Variants in HECW1 observed in about 807,000 individuals in gnomAD.
HECW1 encodes HECT, C2 and WW domain containing E3 ubiquitin protein ligase 1.
HECW1 carries 61 observed loss-of-function variants against 182.3 expected under a neutral mutation model. That is an observed-to-expected ratio of 0.33 (90% CI 0.27 to 0.41). HECW1 has a LOEUF of 0.41. Ranked by LOEUF, HECW1 falls within the 10% of genes least tolerant of loss-of-function variation. The probability of loss-of-function intolerance (pLI) is 1.00; values close to 1 mark genes in which losing one functional copy is unlikely to be tolerated. For synonymous variants in HECW1, 859 were observed against 832.6 expected (o/e 1.03, Z -0.55); for missense variants, 1,739 against 2,108.9 (o/e 0.82, Z 3.44).
intron 8 of HECW1, among the ~76,000 whole-genome samples, chr7:43,434,565 G>T (rs1021714885): frequency 6.6e-6 from 1 of 152,180 alleles, no homozygotes. Flanking sequence ...GAGGCTCATG[G>T]GTGCAAGTAG....
intron 5 of HECW1, among the ~76,000 whole-genome samples, chr7:43,332,707 C>T (rs575678556): frequency 6.6e-6 from 1 of 152,246 alleles, no homozygotes; most frequent in South Asian, 2.1e-4. Flanking sequence ...GCTGCAAGGT[C>T]CGACCCCTGG....
chr7:43,300,249 C>T (rs1806567413), intron 3 of HECW1, among the ~76,000 whole-genome samples: 1 of 152,156 alleles, frequency 6.6e-6, no homozygotes, highest in Non-Finnish European at 1.5e-5. Context: ...TGAGGTAAAC[C>T]ACCTCTGCCA....
chr7:43,227,245 C>T (rs1310937595), intron 2 of HECW1, among the ~76,000 whole-genome samples: 1 of 151,998 alleles, frequency 6.6e-6, no homozygotes, highest in African/African-American at 2.4e-5. Flanking sequence ...ATATGTGAAG[C>T]AAAAGCTCCA....
chr7:43,170,156 C>A (rs190490462), intron 2 of HECW1, among the ~76,000 whole-genome samples: 80 of 152,284 alleles, frequency 5.3e-4, no homozygotes, highest in African/African-American at 1.9e-3. Context: ...CATAGGAGCA[C>A]GAACCTTATT....
chr7:43,509,147 T>C (rs375290406), intron 24 of HECW1, 26 bp downstream of exon 24: 65 of 1,606,046 alleles, frequency 4.0e-5, no homozygotes, highest in Non-Finnish European at 5.0e-5. Flanking sequence ...TTCACTTTCT[T>C]GTATTTGAAA....
intron 12 of HECW1, among the ~76,000 whole-genome samples, chr7:43,451,671 T>C (rs1584949608): frequency 6.6e-6 from 1 of 152,240 alleles, no homozygotes; most frequent in African/African-American, 2.4e-5. Flanking sequence ...ATTCTAGCTT[T>C]AACTTCATAA....
intron 2 of HECW1, among the ~76,000 whole-genome samples, chr7:43,116,080 G>T (rs536526171): frequency 6.6e-6 from 1 of 152,146 alleles, no homozygotes; most frequent in Non-Finnish European, 1.5e-5. Context: ...TTCACTTTGT[G>T]AGTCAGCTGG....
chr7:43,526,813 C>T (rs2080775893), intron 24 of HECW1, among the ~76,000 whole-genome samples: 1 of 152,238 alleles, frequency 6.6e-6, no homozygotes, highest in South Asian at 2.1e-4. Flanking sequence ...CTACCCTGGG[C>T]AACATAGCAA....
At chr7:43,361,391 A>G (rs1410188726) in intron 6 of HECW1, among the ~76,000 whole-genome samples, 1 of 152,182 alleles carries the variant, frequency 6.6e-6, no homozygotes, top group Non-Finnish European at 1.5e-5. Context: ...AAATAAATTA[A>G]TGGAGTAGGA....
At position 43,466,516 on chromosome 7, in the gene HECW1, C is replaced by G; in HGVS notation, c.2861C>G (p.Ala954Gly). The change falls in exon 15 of 30, where the codon GCG (alanine) becomes GGG (glycine). Residue 954 changes from alanine (A) to glycine (G), a missense_variant. Physicochemically the swap from Ala to Gly is moderately conservative, Grantham distance 60 (BLOSUM62 0). Transcript: ENST00000395891. ...QKITLLLQSP[A>G]VKFITNPEFF... is the part of the protein sequence containing the mutation. ...ATCACCTTGCTGCTGCAGTCCCCAG[C>G]GGTCAAGTTCATCACCAACCCCGAG... is the stretch of plus-strand genomic sequence containing the variant. The G allele has an allele frequency of 6.2e-7, 1 of 1,613,158 alleles. No individual in the cohort carries two copies. Among genetic ancestry groups the G allele is most frequent in the Non-Finnish European group, 8.5e-7 (1 of 1,179,548 alleles).
intron 3 of HECW1, among the ~76,000 whole-genome samples, chr7:43,268,715 T>C (rs192522946): frequency 1.3e-4 from 20 of 152,344 alleles, no homozygotes; most frequent in Admixed American, 1.2e-3. Context: ...GCCTCAGGCA[T>C]GACAAACTCC....
intron 8 of HECW1, among the ~76,000 whole-genome samples, chr7:43,418,067 T>G (rs1172839080): frequency 1.3e-5 from 2 of 152,140 alleles, no homozygotes; most frequent in Non-Finnish European, 2.9e-5. Flanking sequence ...ATGTAGGCAA[T>G]TCTTGGCATT....
At chr7:43,185,269 T>A (rs1055125844) in intron 2 of HECW1, among the ~76,000 whole-genome samples, 8 of 152,300 alleles carry the variant, frequency 5.3e-5, no homozygotes, top group African/African-American at 1.7e-4. Flanking sequence ...TTGCTCTGTG[T>A]GTCTCCTCCA....
chr7:43,186,576 G>T (rs1436324683), intron 2 of HECW1, among the ~76,000 whole-genome samples: 2 of 151,894 alleles, frequency 1.3e-5, no homozygotes, highest in Non-Finnish European at 2.9e-5. Flanking sequence ...GGCTGAGGCA[G>T]GAGAATGGCA....
chr7:43,529,574 C>T (rs113023661), intron 24 of HECW1, among the ~76,000 whole-genome samples: 9 of 152,298 alleles, frequency 5.9e-5, no homozygotes, highest in African/African-American at 2.2e-4. Context: ...ACCAAAATCA[C>T]GTCCACTGTG....
chr7:43,549,737 G>C (rs1382914526), intron 26 of HECW1, among the ~76,000 whole-genome samples: 1 of 152,126 alleles, frequency 6.6e-6, no homozygotes, highest in East Asian at 1.9e-4. Context: ...TGCCCTGGCT[G>C]TGTAATATTA....
chr7:43,126,641 A>C (rs1384338789), intron 2 of HECW1, among the ~76,000 whole-genome samples: 2 of 152,164 alleles, frequency 1.3e-5, no homozygotes, highest in Non-Finnish European at 2.9e-5. Context: ...TAGATACTGC[A>C]TTTTTCTTAC....
intron 3 of HECW1, among the ~76,000 whole-genome samples, chr7:43,293,237 GAAAAGAAAAGAAAA>G (rs1369622862): frequency 9.0e-6 from 1 of 111,178 alleles, no homozygotes; most frequent in Non-Finnish European, 1.7e-5. Flanking sequence ...AAAAAAAAAA[GAAAAGAAAAGAAAA>G]AAAAGAAAAT....
chr7:43,401,395 A>G (rs569605260), intron 7 of HECW1, among the ~76,000 whole-genome samples: 4 of 152,292 alleles, frequency 2.6e-5, no homozygotes, highest in Admixed American at 2.6e-4. Context: ...CCAACACATA[A>G]TCAGTGTTTT....
Sources: gnomAD v4.1 joint callset for allele counts (sites outside exome capture counted in the v4.1 genomes callset) on GRCh38, gnomAD v4.1.1 for gene constraint, MANE v1.5 for transcripts, NCBI Gene and HGNC (gene_info 2026-07-23, HGNC 2026-07-21) for gene names.